The following TTC34 variants were observed in gnomAD, a reference collection of about 807,000 sequenced individuals.
TTC34 encodes the protein tetratricopeptide repeat protein 34.
Under a neutral mutation model 40.7 loss-of-function variants are expected in TTC34, and 44 were observed. That is an observed-to-expected ratio of 1.08 (90% CI 0.85 to 1.39). TTC34 has a LOEUF of 1.39. TTC34 is among the 40% of genes most tolerant of loss of function. The pLI is 0.00. For missense variants in TTC34, 884 were observed against 838.0 expected (o/e 1.05, Z -0.68); for synonymous variants, 422 against 398.6 (o/e 1.06, Z -0.70).
rs1267689647 is a variant in TTC34 at position 2,644,443 on chromosome 1, C to CT, written c.2532dup (p.Ala845SerfsTer114). The CT allele has an allele frequency of 2.0e-6, 3 of 1,535,056 alleles. No individual in the cohort carries two copies. Among genetic ancestry groups the CT allele is most frequent in the Middle Eastern group, 3.3e-4 (2 of 5,984 alleles). ...TCTGACGTTGGGGCACGGTGCAGGG[C>CT]TTTTTCCAGGTGGGTGCCAGCTTCC... On this transcript the variant is annotated frameshift_variant, in exon 8 of 9. Transcript: ENST00000401095. LOFTEE classifies it high-confidence loss of function.
chr1:2,751,799 G>T (rs1641329432), intron 6 of TTC34, among the ~76,000 whole-genome samples: 42 of 122,310 alleles, frequency 3.4e-4, no homozygotes, highest in Admixed American at 2.2e-3. Flanking sequence ...GCCTGGAGCA[G>T]CAGCCACATC....
chr1:2,800,300 A>G (rs1167849574), exon 2 of TTC34: 9 of 398,506 alleles, frequency 2.3e-5, no homozygotes, highest in Non-Finnish European at 3.5e-5. Context: ...GGTGGGTGCG[A>G]ATGAAAGCTA....
rs768036592 is a variant in TTC34 at position 2,641,440 on chromosome 1, G to A, written c.3168C>T (p.Pro1056=). 7.1e-5 allele frequency: 109 copies of A among 1,535,160 alleles called. 1 individual carries two copies. The highest frequency in any genetic ancestry group is 9.8e-5 in the Admixed American group (5 of 50,916). ...TCAGTCTCTTCAGGCCACGGTGGTC[G>A]GGGTCCACCAGGAGGCCGCTCTCTA... The change falls in exon 9 of 9, where the codon CCC becomes CCT. Residue 1056 remains proline (P), a synonymous_variant. Transcript: ENST00000401095.
chr1:2,681,805 G>A (rs1247484718), intron 6 of TTC34, among the ~76,000 whole-genome samples: 1 of 115,956 alleles, frequency 8.6e-6, no homozygotes, highest in Non-Finnish European at 2.0e-5. Context: ...GCATCTGATG[G>A]TTTGCGGCAA....
At chr1:2,652,208 C>A (rs56211940) in intron 6 of TTC34, among the ~76,000 whole-genome samples, 1 of 96 alleles carries the variant, frequency 0.01, no homozygotes, top group Non-Finnish European at 0.028. Context: ...CCCTGCACCC[C>A]CAAGTGAGCA....
intron 2 of TTC34, among the ~76,000 whole-genome samples, chr1:2,795,605 A>G (rs12731995): frequency 0.36 from 54,186 of 152,132 alleles, 10,584 homozygotes; most frequent in Non-Finnish European, 0.44. Flanking sequence ...AGCAAGGCAC[A>G]AGGCCATGCC....
At chr1:2,749,459 T>C (rs1484397594) in intron 6 of TTC34, among the ~76,000 whole-genome samples, 28 of 64,278 alleles carry the variant, frequency 4.4e-4, no homozygotes, top group South Asian at 1.3e-3. Flanking sequence ...GGTGAGCATC[T>C]GACGGCCTGG....
intron 6 of TTC34, among the ~76,000 whole-genome samples, chr1:2,693,223 C>A (rs1241399467): frequency 1.5e-5 from 2 of 129,900 alleles, no homozygotes; most frequent in African/African-American, 3.1e-5. Flanking sequence ...GCAGAACCCA[C>A]ACCCACAGGT....
intron 6 of TTC34, among the ~76,000 whole-genome samples, chr1:2,752,530 A>G (rs1641357526): frequency 1.3e-4 from 12 of 89,186 alleles, no homozygotes; most frequent in African/African-American, 5.4e-4. Flanking sequence ...CAGCACCCAC[A>G]TCCCCAGGTG....
chr1:2,751,429 C>T (rs1641315461), intron 6 of TTC34, among the ~76,000 whole-genome samples: 7 of 129,964 alleles, frequency 5.4e-5, no homozygotes, highest in African/African-American at 9.6e-5. Context: ...ATCTGACAGC[C>T]TGGAACAGAG....
intron 6 of TTC34, among the ~76,000 whole-genome samples, chr1:2,779,812 T>C (rs1457225477): frequency 6.6e-6 from 1 of 152,208 alleles, no homozygotes; most frequent in Non-Finnish European, 1.5e-5. Flanking sequence ...GTTGTTTTGA[T>C]TTGTGCTTCC....
rs746419960 is a variant in TTC34 at position 2,645,442 on chromosome 1, C to G, written c.2348G>C (p.Arg783Pro). 5 of 1,535,410 alleles carry G rather than the reference C, an allele frequency of 3.3e-6. No individual in the cohort carries two copies. Among genetic ancestry groups the G allele is most frequent in the Admixed American group, 2.0e-5 (1 of 50,946 alleles). The change falls in exon 7 of 9, where the codon CGG (arginine) becomes CCG (proline). Residue 783 changes from arginine (R) to proline (P), a missense_variant. By Grantham distance (103) the Arg-to-Pro change is moderately radical (BLOSUM62 -2). Transcript: ENST00000401095. This position sits in a 1 kb window ranked among gnomAD's most constrained non-coding sequence, Gnocchi z 4.7. ...GTCTGGCAGCTGGCTCAGAAGGGCC[C>G]GGCAGTGGGAGTAGAGGCCCTGTGT...
At position 2,749,401 on chromosome 1, in the gene TTC34, C is replaced by T. The variant is rs1340465840; in HGVS notation, c.2226+34208G>A. On this transcript the variant is annotated intron_variant, in intron 6 of 8. Coordinates refer to ENST00000401095, the Ensembl canonical transcript of TTC34. ...CCTGACAGCCTGGAACAGCACCCTG[C>T]ACCCCCAGGTGCGCACGTGACAGCC... Among the ~76,000 whole-genome samples, 71 of 98,578 alleles carry T rather than the reference C, an allele frequency of 7.2e-4. 1 individual carries two copies. The highest frequency in any genetic ancestry group is 9.7e-4 in the African/African-American group (19 of 19,646). 64.7% of individuals were successfully genotyped at this position (98,578 alleles called of 152,430 possible).
rs1460234499 is a variant in TTC34 at position 2,750,357 on chromosome 1, C to A, written c.2226+33252G>T. ...GAGCCTCTGACAGCCTTGAACAGCA[C>A]CCTGCACCCCGAGGTGAGCATCTGA... On this transcript the variant is annotated intron_variant, in intron 6 of 8. Coordinates refer to ENST00000401095, the Ensembl canonical transcript of TTC34. Among the ~76,000 whole-genome samples, 492 of 83,150 alleles carry A rather than the reference C, an allele frequency of 5.9e-3. 135 individuals are homozygous for A. Among genetic ancestry groups the A allele is most frequent in the African/African-American group, 0.028 (477 of 16,856 alleles). The allele number at this position is 83,150 out of a possible 152,430, so 54.5% of individuals were successfully genotyped here. A position where few individuals can be genotyped will look rare whatever the true frequency, so the allele number is the denominator to read the frequency against.
intron 2 of TTC34, among the ~76,000 whole-genome samples, chr1:2,793,332 T>C (rs1016290883): frequency 6.6e-6 from 1 of 152,234 alleles, no homozygotes. Flanking sequence ...AAGTCTTGTA[T>C]TGAATTTTTT....
At chr1:2,785,669 T>C (rs1557689740) in intron 5 of TTC34, 150 bp downstream of exon 5, 4 of 798,496 alleles carry the variant, frequency 5.0e-6, no homozygotes, top group Non-Finnish European at 7.4e-6. Flanking sequence ...CCTCAGCGAG[T>C]GGCCCTTGCC....
At chr1:2,656,190 T>C in intron 6 of TTC34, among the ~76,000 whole-genome samples, 1 of 150,254 alleles carries the variant, frequency 6.7e-6, no homozygotes, top group South Asian at 2.1e-4. Flanking sequence ...GGTGAGCCTC[T>C]GACAGCCTGG....
At chr1:2,761,344 G>A (rs1226960516) in intron 6 of TTC34, among the ~76,000 whole-genome samples, 5 of 62,134 alleles carry the variant, frequency 8.0e-5, no homozygotes, top group African/African-American at 1.3e-4. Flanking sequence ...GTATCTGACA[G>A]CCTGGAGCAG....
At chr1:2,640,685 T>G (rs1638882671) in exon 9 of TTC34, 1 of 151,784 alleles carries the variant, frequency 6.6e-6, no homozygotes, top group Non-Finnish European at 1.5e-5. Flanking sequence ...AGGCTCAGGG[T>G]CCAAGCAAAA....
Sources: allele counts gnomAD v4.1 joint callset (sites outside exome capture counted in the v4.1 genomes callset), GRCh38; gene constraint gnomAD v4.1.1; non-coding constraint Gnocchi (gnomAD v3.1); transcripts MANE v1.5; gene names NCBI Gene and HGNC (gene_info 2026-07-23, HGNC 2026-07-21).